MFF: variants seen among roughly 807,000 people sequenced by gnomAD.
MFF encodes mitochondrial fission factor.
A neutral mutation model predicts 36.9 loss-of-function variants in MFF; 12 were observed. That is an observed-to-expected ratio of 0.33 (90% CI 0.21 to 0.53). The LOEUF is 0.53. Ranked by LOEUF, MFF falls within the 20% of genes least tolerant of loss-of-function variation. MFF has a pLI of 0.95. For synonymous variants in MFF, 99 were observed against 126.2 expected (o/e 0.78, Z 1.44); for missense variants, 348 against 366.6 (o/e 0.95, Z 0.42).
chr2:227,335,827 A>G (rs867749729), intron 4 of MFF, among the ~76,000 whole-genome samples: 3 of 152,246 alleles, frequency 2.0e-5, no homozygotes, highest in African/African-American at 7.2e-5. Flanking sequence ...GAGGAAGTTG[A>G]CAAACACTTT....
chr2:227,327,145 T>C lies in MFF; in HGVS notation c.-152-1533T>C, dbSNP rs767076266. ...AAAGTCGAGTTAAAAAAATTAACTGTAGCAAAAAGTTAATGTACTCTGTGA... is the reference window on the plus strand; with the variant it reads ...AAAGTCGAGTTAAAAAAATTAACTGCAGCAAAAAGTTAATGTACTCTGTGA... On this transcript the variant is annotated intron_variant, in intron 1 of 8. Coordinates refer to ENST00000304593, the MANE Select transcript of MFF (RefSeq NM_001277062.2). 2.1e-4 allele frequency among the ~76,000 whole-genome samples: 32 copies of C among 152,192 alleles called. 1 individual carries two copies. Among genetic ancestry groups the C allele is most frequent in the Non-Finnish European group, 4.4e-4 (30 of 67,992 alleles).
intron 4 of MFF, among the ~76,000 whole-genome samples, chr2:227,338,861 A>G (rs1020871430): frequency 6.6e-6 from 1 of 151,370 alleles, no homozygotes; most frequent in Non-Finnish European, 1.5e-5. Flanking sequence ...AAAAACCATA[A>G]TGTTGCCATG....
chr2:227,329,676 G>A, intron 2 of MFF: 2 of 1,132,502 alleles, frequency 1.8e-6, no homozygotes, highest in Non-Finnish European at 2.7e-6. Context: ...GAATTGTTGT[G>A]TAAAGTAAAC....
At chr2:227,348,358 A>C (rs892044678) in intron 6 of MFF, among the ~76,000 whole-genome samples, 2 of 152,142 alleles carry the variant, frequency 1.3e-5, no homozygotes, top group East Asian at 3.8e-4. Context: ...GCACCTGTCC[A>C]TGCTACTTAT....
At chr2:227,348,036 T>C (rs1208756631) in intron 6 of MFF, among the ~76,000 whole-genome samples, 4 of 152,238 alleles carry the variant, frequency 2.6e-5, no homozygotes, top group South Asian at 4.1e-4. Flanking sequence ...CTTGCTTTAT[T>C]ACTACATAAT....
intron 5 of MFF, among the ~76,000 whole-genome samples, chr2:227,341,463 C>A (rs1030747153): frequency 2.0e-5 from 3 of 152,114 alleles, no homozygotes; most frequent in Admixed American, 6.5e-5. Flanking sequence ...TAAAATTATT[C>A]TGAAAGGCTG....
At chr2:227,329,801 C>T (rs368972913) in intron 2 of MFF, 30 of 1,477,010 alleles carry the variant, frequency 2.0e-5, no homozygotes, top group Non-Finnish European at 2.7e-5. Flanking sequence ...AAATTTTATT[C>T]AGTTGAGCTG....
intron 7 of MFF, among the ~76,000 whole-genome samples, chr2:227,353,517 T>G (rs2076105962): frequency 6.6e-6 from 1 of 152,176 alleles, no homozygotes; most frequent in African/African-American, 2.4e-5. Context: ...CTCTGCTGAC[T>G]TGTTTCTTTT....
At chr2:227,347,724 C>A (rs2075787215) in intron 6 of MFF, among the ~76,000 whole-genome samples, 1 of 152,204 alleles carries the variant, frequency 6.6e-6, no homozygotes, top group African/African-American at 2.4e-5. Context: ...CTGAAGTTTA[C>A]TAGTCCTCGT....
At chr2:227,355,655 T>C in intron 7 of MFF, 22 bp from the exon 8 acceptor site, 2 of 1,288,958 alleles carry the variant, frequency 1.6e-6, no homozygotes, top group Non-Finnish European at 2.2e-6. Flanking sequence ...TATTCATTTG[T>C]ATTTCTATCT....
chr2:227,336,385 C>T (rs1029854215), intron 4 of MFF, among the ~76,000 whole-genome samples: 10 of 152,188 alleles, frequency 6.6e-5, no homozygotes, highest in African/African-American at 1.7e-4. Context: ...AGGAGAAATA[C>T]GAGAATACTA....
In MFF at chr2:227,331,959, A is replaced by ATTTTTTTTTT. The variant is rs10549336; in HGVS notation, c.182-439_182-430dup. On this transcript the variant is annotated intron_variant, in intron 3 of 8. Transcript: ENST00000304593. ...AGTGAAATGTCAATACGCTGGAAGC[A>ATTTTTTTTTT]TTTTTTTTTTTTTTTTTTTTTTTTT... is the stretch of plus-strand genomic sequence containing the variant. Among the ~76,000 whole-genome samples, 144 of 76,772 alleles carry ATTTTTTTTTT rather than the reference A, an allele frequency of 1.9e-3. 14 individuals are homozygous for ATTTTTTTTTT. The highest frequency in any genetic ancestry group is 6.1e-3 in the South Asian group (12 of 1,962). The allele number at this position is 76,772 out of a possible 152,430, so 50.4% of individuals were successfully genotyped here.
At chr2:227,344,651 A>C (rs2075608576) in intron 5 of MFF, among the ~76,000 whole-genome samples, 1 of 152,222 alleles carries the variant, frequency 6.6e-6, no homozygotes, top group Admixed American at 6.5e-5. Flanking sequence ...GATTTATTTC[A>C]TCTGTGGATG....
At chr2:227,351,546 T>C (rs1179251880) in intron 6 of MFF, 2 of 152,216 alleles carry the variant, frequency 1.3e-5, no homozygotes, top group Non-Finnish European at 2.9e-5. Flanking sequence ...GAATGAGATA[T>C]CCAAAATAGG....
At position 227,357,496 on chromosome 2, in the gene MFF, T is replaced by G. The variant is rs1032211510; in HGVS notation, c.*379T>G. On this transcript the variant is annotated 3_prime_UTR_variant, in exon 9 of 9. Coordinates refer to ENST00000304593, the MANE Select transcript of MFF (RefSeq NM_001277062.2). Reference sequence around the variant, plus strand: ...AAAGTGTCTGTGAAAGAAAAACAATTATTTTGTCCTGTTTCTCAAACAGTG... The same window carrying G: ...AAAGTGTCTGTGAAAGAAAAACAATGATTTTGTCCTGTTTCTCAAACAGTG... 1 of 160,776 alleles carries G rather than the reference T, an allele frequency of 6.2e-6. No individual in the cohort carries two copies. The highest frequency in any genetic ancestry group is 1.4e-5 in the Non-Finnish European group (1 of 73,200). The allele number at this position is 160,776 out of a possible 1,614,324, so 10.0% of individuals were successfully genotyped here. A position where few individuals can be genotyped will look rare whatever the true frequency, so the allele number is the denominator to read the frequency against.
At chr2:227,343,148 C>T in intron 5 of MFF, among the ~76,000 whole-genome samples, 1 of 151,666 alleles carries the variant, frequency 6.6e-6, no homozygotes. Flanking sequence ...GATTCAACGT[C>T]ACCTGGTGCA....
chr2:227,355,095 A>G (rs922008556), intron 7 of MFF, among the ~76,000 whole-genome samples: 1 of 152,226 alleles, frequency 6.6e-6, no homozygotes, highest in Non-Finnish European at 1.5e-5. Context: ...CCAGAGGTGG[A>G]GGTTGCAATG....
intron 6 of MFF, among the ~76,000 whole-genome samples, chr2:227,350,714 C>T (rs867824590): frequency 2.6e-5 from 4 of 152,096 alleles, no homozygotes; most frequent in African/African-American, 4.8e-5. Context: ...TATTCTGTTA[C>T]GTCAGAGTGT....
chr2:227,351,583 T>C (rs1203205541), intron 6 of MFF: 1 of 152,210 alleles, frequency 6.6e-6, no homozygotes, highest in Non-Finnish European at 1.5e-5. Context: ...AATCTTTATA[T>C]GGATCCAACA....
Sources: allele counts gnomAD v4.1 joint callset (sites outside exome capture counted in the v4.1 genomes callset), GRCh38; gene constraint gnomAD v4.1.1; transcripts MANE v1.5; gene names NCBI Gene and HGNC (gene_info 2026-07-23, HGNC 2026-07-21).